Variants in SLC18A2 observed in about 807,000 individuals in gnomAD.
The protein encoded by SLC18A2 is solute carrier family 18 member A2.
Under a neutral mutation model 59.2 loss-of-function variants are expected in SLC18A2, and 33 were observed. The ratio of observed to expected loss-of-function variants is 0.56; its 90% confidence interval spans 0.42 to 0.75. The LOEUF (loss-of-function observed/expected upper bound fraction) is 0.75. Ranked by LOEUF, SLC18A2 falls within the 30% of genes least tolerant of loss-of-function variation. The pLI, the probability that SLC18A2 is intolerant of heterozygous loss-of-function variation, is 0.00. For missense variants in SLC18A2, 569 were observed against 668.6 expected (o/e 0.85, Z 1.64); for synonymous variants, 228 against 253.5 (o/e 0.90, Z 0.95).
intron 15 of SLC18A2, among the ~76,000 whole-genome samples, chr10:117,274,327 G>T (rs1033172849): frequency 6.6e-6 from 1 of 152,196 alleles, no homozygotes; most frequent in African/African-American, 2.4e-5. Context: ...GGTCAGTTAA[G>T]TATGCATGAT....
At chr10:117,264,095 C>T (rs946453943) in intron 10 of SLC18A2, among the ~76,000 whole-genome samples, 2 of 152,242 alleles carry the variant, frequency 1.3e-5, no homozygotes, top group African/African-American at 4.8e-5. Context: ...CCGCAGGCTT[C>T]GTGATGACCG....
chr10:117,244,897 G>C (rs888013543), intron 3 of SLC18A2, among the ~76,000 whole-genome samples: 12 of 152,356 alleles, frequency 7.9e-5, no homozygotes, highest in African/African-American at 2.9e-4. Context: ...CCACGTCCAC[G>C]TGCATGAAAG....
chr10:117,278,931 G>A lies in SLC18A2; in HGVS notation c.*1665G>A, dbSNP rs966619054. The A allele has an allele frequency of 1.3e-5, 2 of 152,180 alleles. No individual in the cohort carries two copies. Among genetic ancestry groups the A allele is most frequent in the Non-Finnish European group, 2.9e-5 (2 of 68,044 alleles). 9.4% of individuals were successfully genotyped at this position (152,180 alleles called of 1,614,324 possible). ...GCAGGCTAGTTTCTTACTTCTACAG[G>A]GGTAGAGCCTTAAAAAAGAACGTGC... On this transcript the variant is annotated 3_prime_UTR_variant, in exon 16 of 16. Transcript: ENST00000644641.
intron 3 of SLC18A2, among the ~76,000 whole-genome samples, chr10:117,249,677 G>T (rs184341983): frequency 6.6e-6 from 1 of 152,300 alleles, no homozygotes; most frequent in Non-Finnish European, 1.5e-5. Flanking sequence ...AGTCTCTATG[G>T]CAAGGATAAG....
intron 10 of SLC18A2, among the ~76,000 whole-genome samples, chr10:117,264,446 A>T (rs760871727): frequency 8.5e-5 from 13 of 152,334 alleles, no homozygotes; most frequent in Non-Finnish European, 1.5e-4. Context: ...ATTGCACTCC[A>T]GCCTGGGCAA....
intron 3 of SLC18A2, among the ~76,000 whole-genome samples, chr10:117,246,067 T>C (rs1029605615): frequency 6.6e-5 from 10 of 152,232 alleles, no homozygotes; most frequent in Non-Finnish European, 1.5e-4. Flanking sequence ...CCTCAGTAGT[T>C]GCAGGATTGT....
rs1445290028 is a variant in SLC18A2 at position 117,255,372 on chromosome 10, T to C, written c.790+6T>C. On this transcript the variant is annotated splice_donor_region_variant and intron_variant, in intron 7 of 15. Transcript: ENST00000644641. ...CCTGGTACTCTTGGATGGAGGTGAGTGAGTCCACGTGGGCGCCATGCCATG... is the reference window on the plus strand; with the variant it reads ...CCTGGTACTCTTGGATGGAGGTGAGCGAGTCCACGTGGGCGCCATGCCATG... The C allele has an allele frequency of 1.2e-6, 2 of 1,614,012 alleles. No individual in the cohort carries two copies. Among genetic ancestry groups the C allele is most frequent in the African/African-American group, 2.7e-5 (2 of 74,918 alleles).
intron 10 of SLC18A2, 34 bp downstream of exon 10, chr10:117,257,926 G>C: frequency 2.0e-6 from 3 of 1,489,348 alleles, no homozygotes; most frequent in Non-Finnish European, 2.8e-6. Context: ...TGATTCAAGA[G>C]CATTTGTCCC....
intron 10 of SLC18A2, 36 bp downstream of exon 10, chr10:117,257,928 A>G: frequency 6.8e-7 from 1 of 1,462,800 alleles, no homozygotes; most frequent in Non-Finnish European, 9.4e-7. Context: ...ATTCAAGAGC[A>G]TTTGTCCCCA....
chr10:117,258,976 C>T (rs1844260555), intron 10 of SLC18A2, among the ~76,000 whole-genome samples: 3 of 152,104 alleles, frequency 2.0e-5, no homozygotes. Context: ...TGACATTGTC[C>T]ACCAGCTTCC....
intron 15 of SLC18A2, among the ~76,000 whole-genome samples, chr10:117,272,504 C>T (rs543053316): frequency 2.0e-5 from 3 of 152,206 alleles, no homozygotes; most frequent in South Asian, 4.1e-4. Context: ...CGCAGAAGGA[C>T]TGGCAGAAGG....
intron 3 of SLC18A2, among the ~76,000 whole-genome samples, chr10:117,246,741 C>A (rs1589977637): frequency 1.3e-5 from 2 of 152,112 alleles, no homozygotes; most frequent in East Asian, 1.9e-4. Flanking sequence ...CAACCTCCAC[C>A]TCCTGGGTTC....
At position 117,269,272 on chromosome 10, in the gene SLC18A2, C is replaced by G. The variant is rs1039308789; in HGVS notation, c.1187-799C>G. Among the ~76,000 whole-genome samples the G allele has an allele frequency of 1.3e-5, 2 of 151,992 alleles. No homozygotes were observed. Among genetic ancestry groups the G allele is most frequent in the African/African-American group, 4.8e-5 (2 of 41,346 alleles). On this transcript the variant is annotated intron_variant, in intron 13 of 15. Transcript: ENST00000644641. The surrounding 1 kb of genome is among the most constrained non-coding windows in gnomAD (Gnocchi z 5.1). ...ACATATACACAGACACATACACATG[C>G]AAACACATGTACACACATATATACA...
Position 117,277,770 on chromosome 10 carries a change from C to T in SLC18A2, c.*504C>T, listed in dbSNP as rs2133751152. Reference sequence around the variant, plus strand: ...ATGTTATTTAACTTGTAGTTACTATCAATATATTTATGCGTTAAACAGCTA... The same window carrying T: ...ATGTTATTTAACTTGTAGTTACTATTAATATATTTATGCGTTAAACAGCTA... On this transcript the variant is annotated 3_prime_UTR_variant, in exon 16 of 16. Transcript: ENST00000644641. The T allele has an allele frequency of 6.6e-6, 1 of 152,294 alleles. No individual in the cohort carries two copies. Among genetic ancestry groups the T allele is most frequent in the Non-Finnish European group, 1.5e-5 (1 of 68,066 alleles). 9.4% of individuals were successfully genotyped at this position (152,294 alleles called of 1,614,324 possible).
chr10:117,243,433 G>A (rs561742832), intron 2 of SLC18A2, among the ~76,000 whole-genome samples: 2 of 152,308 alleles, frequency 1.3e-5, no homozygotes, highest in South Asian at 2.1e-4. Flanking sequence ...TCTCAGGGCC[G>A]TTGGGGGCAT....
intron 10 of SLC18A2, among the ~76,000 whole-genome samples, chr10:117,260,119 G>A (rs1194257449): frequency 1.3e-5 from 2 of 152,154 alleles, no homozygotes; most frequent in East Asian, 1.9e-4. Context: ...TTTTGGTGAG[G>A]TTGTTGTTAT....
intron 15 of SLC18A2, among the ~76,000 whole-genome samples, chr10:117,275,275 A>G (rs1252270343): frequency 6.6e-6 from 1 of 151,928 alleles, no homozygotes; most frequent in Non-Finnish European, 1.5e-5. Context: ...AGGGTCAAGG[A>G]AGTCCTTATC....
chr10:117,252,772 T>G (rs1003865022), intron 3 of SLC18A2, among the ~76,000 whole-genome samples: 1 of 152,126 alleles, frequency 6.6e-6, no homozygotes, highest in Non-Finnish European at 1.5e-5. Context: ...AGTGGCAGGG[T>G]CATGTGTCCA....
At chr10:117,249,398 A>G (rs1844139273) in intron 3 of SLC18A2, among the ~76,000 whole-genome samples, 1 of 152,260 alleles carries the variant, frequency 6.6e-6, no homozygotes, top group Non-Finnish European at 1.5e-5. Context: ...AAGAATTTTG[A>G]CAAGCGGAAT....
Sources: allele counts gnomAD v4.1 joint callset (sites outside exome capture counted in the v4.1 genomes callset), GRCh38; gene constraint gnomAD v4.1.1; non-coding constraint Gnocchi (gnomAD v3.1); transcripts MANE v1.5; gene names NCBI Gene and HGNC (gene_info 2026-07-23, HGNC 2026-07-21).